TICRR: variants seen among roughly 807,000 people sequenced by gnomAD.
TICRR encodes the protein TOPBP1 interacting checkpoint and replication regulator, also known as treslin.
Under a neutral mutation model 178.1 loss-of-function variants are expected in TICRR, and 132 were observed. The observed-to-expected ratio is 0.74, with a 90% CI of 0.64 to 0.86. TICRR has a LOEUF of 0.86. TICRR is among the 40% of genes least tolerant of loss of function. The pLI is 0.00. For missense variants in TICRR, 2,587 were observed against 2,334.3 expected (o/e 1.11, Z -2.23); for synonymous variants, 991 against 900.7 (o/e 1.10, Z -1.79).
chr15:89,622,043 G>T (rs957713774), intron 19 of TICRR, among the ~76,000 whole-genome samples: 2 of 142,172 alleles, frequency 1.4e-5, no homozygotes, highest in Non-Finnish European at 3.0e-5. Context: ...CTGGAGTGCA[G>T]TGGCACGATC....
intron 2 of TICRR, among the ~76,000 whole-genome samples, chr15:89,583,772 G>A (rs1245851192): frequency 2.0e-5 from 3 of 151,968 alleles, no homozygotes; most frequent in Non-Finnish European, 2.9e-5. Context: ...ACTGAGCCTC[G>A]ACTTCCTGGG....
intron 7 of TICRR, among the ~76,000 whole-genome samples, 174 bp downstream of exon 7, chr15:89,595,785 TAAGGGAG>T (rs1962988055): frequency 6.6e-6 from 1 of 151,970 alleles, no homozygotes; most frequent in Non-Finnish European, 1.5e-5. Context: ...GCTACAAAGA[TAAGGGAG>T]GCGGAGGTTG....
At chr15:89,617,836 C>G (rs111677987) in intron 16 of TICRR, among the ~76,000 whole-genome samples, 1 of 152,064 alleles carries the variant, frequency 6.6e-6, no homozygotes. Context: ...GGACTACAGG[C>G]GCATGCCACC....
At chr15:89,625,819 G>T in intron 20 of TICRR, 33 bp downstream of exon 20, 1 of 1,572,172 alleles carries the variant, frequency 6.4e-7, no homozygotes, top group Non-Finnish European at 8.6e-7. Context: ...GTTTCCTCAT[G>T]GTTTCTTTTG....
intron 1 of TICRR, among the ~76,000 whole-genome samples, chr15:89,581,781 C>T (rs74342259): frequency 0.027 from 4,171 of 152,120 alleles, 181 homozygotes; most frequent in African/African-American, 0.095. Context: ...AGAGAAGTAG[C>T]GTGACCAGAG....
At chr15:89,583,033 C>G (rs1962758372) in intron 2 of TICRR, 68 bp downstream of exon 2, 1 of 1,434,622 alleles carries the variant, frequency 7.0e-7, no homozygotes, top group Non-Finnish European at 9.3e-7. Context: ...TTCAAAGAAG[C>G]TTTTAACTTC....
At chr15:89,589,313 G>C (rs962580159) in intron 4 of TICRR, among the ~76,000 whole-genome samples, 1 of 152,168 alleles carries the variant, frequency 6.6e-6, no homozygotes, top group Admixed American at 6.5e-5. Context: ...CTGTGAGTTT[G>C]GGGGGTAAGA....
intron 7 of TICRR, 82 bp from the exon 8 acceptor site, chr15:89,599,242 C>A: frequency 9.9e-7 from 1 of 1,009,696 alleles, no homozygotes; most frequent in Non-Finnish European, 1.3e-6. Flanking sequence ...AAATATTTTC[C>A]CCAGTGGACA....
intron 9 of TICRR, among the ~76,000 whole-genome samples, 161 bp from the exon 10 acceptor site, chr15:89,601,137 A>ATCACCT (rs1156902799): frequency 6.6e-6 from 1 of 151,892 alleles, no homozygotes; most frequent in Non-Finnish European, 1.5e-5. Context: ...TGCAGCTTGA[A>ATCACCT]TCACCTATTT....
intron 3 of TICRR, 82 bp from the exon 4 acceptor site, chr15:89,585,625 GT>G (rs1357910082): frequency 3.2e-6 from 3 of 932,510 alleles, no homozygotes; most frequent in Non-Finnish European, 3.4e-6. Context: ...TGGGAAAATG[GT>G]TATTCTGTCT....
rs1294775004 is a variant in TICRR, at chr15:89,595,444, C to A, written c.1733C>A (p.Ser578Tyr). The A allele has an allele frequency of 6.2e-7, 1 of 1,614,076 alleles. No homozygotes were observed. The highest frequency in any genetic ancestry group is 2.2e-5 in the East Asian group (1 of 44,850). ...CAGAAGATGAATACCATGTGCCGTT[C>A]CTTAAAGATGTTGAATGTCGCAAGG... ...VRQKMNTMCR[S>Y]LKMLNVARLN... is the part of the protein sequence containing the mutation. The change falls in exon 7 of 22, where the codon TCC (serine) becomes TAC (tyrosine). Residue 578 changes from serine (S) to tyrosine (Y), a missense_variant. Physicochemically the swap from Ser to Tyr is moderately radical, Grantham distance 144 (BLOSUM62 -2). Coordinates refer to ENST00000268138, the MANE Select transcript of TICRR (RefSeq NM_152259.4).
At chr15:89,607,701 C>A (rs996233772) in intron 14 of TICRR, among the ~76,000 whole-genome samples, 1 of 152,030 alleles carries the variant, frequency 6.6e-6, no homozygotes, top group African/African-American at 2.4e-5. Flanking sequence ...TGGGTAAACA[C>A]AAGGGTTGCT....
At position 89,625,530 on chromosome 15, in the gene TICRR, C is replaced by T. The variant is rs1030319944; in HGVS notation, c.5220C>T (p.Leu1740=). The T allele has an allele frequency of 1.1e-5, 18 of 1,613,534 alleles. No individual in the cohort carries two copies. Among genetic ancestry groups the T allele is most frequent in the Middle Eastern group, 1.6e-4 (1 of 6,062 alleles). ...HRTPILEDFE[L]EGVCQLPDQS... is the part of the protein sequence containing the mutation. The stretch of plus-strand genomic sequence containing the variant: ...CGCCCATCTTGGAGGATTTTGAGCT[C>T]GAGGGAGTGTGCCAGCTCCCAGACC... The change falls in exon 20 of 22, where the codon CTC becomes CTT. Residue 1740 remains leucine (L), a synonymous_variant. Transcript: ENST00000268138.
At chr15:89,606,686 A>C (rs1339607304) in intron 13 of TICRR, 82 bp from the exon 14 acceptor site, 8 of 1,134,504 alleles carry the variant, frequency 7.1e-6, no homozygotes, top group Non-Finnish European at 1.1e-5. Context: ...TACAAGAGTC[A>C]AAGAGTTCAT....
intron 19 of TICRR, among the ~76,000 whole-genome samples, chr15:89,621,910 G>A (rs1963431827): frequency 1.3e-5 from 2 of 151,410 alleles, no homozygotes; most frequent in African/African-American, 4.9e-5. Context: ...AGAAACCTGG[G>A]AGTCATCCTT....
chr15:89,624,388 A>T lies in TICRR; in HGVS notation c.4078A>T (p.Thr1360Ser). The change falls in exon 20 of 22, where the codon ACT becomes TCT. Residue 1360 changes from threonine to serine, a missense_variant. Transcript: ENST00000268138. ...AASLSCPVPS[T>S]PPELSQRATL... ...ATCTCTCTCCTGCCCTGTTCCCTCA[A>T]CTCCCCCTGAACTCTCACAGAGAGC... 3 of 1,614,004 alleles carry T rather than the reference A, an allele frequency of 1.9e-6. No homozygotes were observed. The Middle Eastern group carries it at 4.9e-4, about 266-fold the overall frequency.
At chr15:89,593,336 A>G (rs577064910) in intron 5 of TICRR, among the ~76,000 whole-genome samples, 2 of 152,228 alleles carry the variant, frequency 1.3e-5, no homozygotes, top group Admixed American at 1.3e-4. Flanking sequence ...GGCCCATGTT[A>G]TTTTTTAAAA....
intron 14 of TICRR, among the ~76,000 whole-genome samples, chr15:89,608,231 T>A (rs1382179190): frequency 6.6e-6 from 1 of 152,182 alleles, no homozygotes; most frequent in Non-Finnish European, 1.5e-5. Flanking sequence ...TACAAACCAC[T>A]GTATACCAAC....
intron 7 of TICRR, among the ~76,000 whole-genome samples, chr15:89,598,151 T>TTG (rs58858687): frequency 0.49 from 74,447 of 150,972 alleles, 18,934 homozygotes; most frequent in Non-Finnish European, 0.58. Flanking sequence ...TGTTTGTTTT[T>TTG]TTTAGTAGAG....
Sources: allele counts gnomAD v4.1 joint callset (sites outside exome capture counted in the v4.1 genomes callset), GRCh38; gene constraint gnomAD v4.1.1; transcripts MANE v1.5; gene names NCBI Gene and HGNC (gene_info 2026-07-23, HGNC 2026-07-21).